ENTPD1: variants seen among roughly 807,000 people sequenced by gnomAD.
The protein encoded by ENTPD1 is ectonucleoside triphosphate diphosphohydrolase 1, also known as ATP diphosphohydrolase.
ENTPD1 carries 33 observed loss-of-function variants against 57.0 expected under a neutral mutation model. The observed-to-expected ratio is 0.58, with a 90% CI of 0.44 to 0.77. ENTPD1 has a LOEUF of 0.77. Among genes scored for constraint, ENTPD1 ranks in the 30% least tolerant of loss-of-function variants. ENTPD1 has a pLI of 0.00. For missense variants in ENTPD1, 501 were observed against 603.4 expected, an observed-to-expected ratio of 0.83 and a Z score of 1.78; for synonymous variants, 202 against 218.8, an observed-to-expected ratio of 0.92 and a Z score of 0.68.
At chr10:95,845,778 T>A (rs1033654183) in intron 6 of ENTPD1, 182 bp downstream of exon 6, 2 of 877,552 alleles carry the variant, frequency 2.3e-6, no homozygotes, top group African/African-American at 3.4e-5. Context: ...CAGTCAGACA[T>A]CCCCTCCCAT....
At chr10:95,765,660 G>A (rs1436700375) in intron 1 of ENTPD1, among the ~76,000 whole-genome samples, 1 of 151,994 alleles carries the variant, frequency 6.6e-6, no homozygotes, top group East Asian at 1.9e-4. Context: ...TATTGTTTGG[G>A]GTATTATGGG....
At chr10:95,705,084 A>G in the ENTPD1 span, among the ~76,000 whole-genome samples, 1 of 152,152 alleles carries the variant, frequency 6.6e-6, no homozygotes, top group African/African-American at 2.4e-5. Flanking sequence ...AATAAGATAG[A>G]ATTCCATATC....
intron 1 of ENTPD1, among the ~76,000 whole-genome samples, chr10:95,777,920 C>T (rs1034115658): frequency 1.3e-5 from 2 of 152,198 alleles, no homozygotes; most frequent in African/African-American, 4.8e-5. Flanking sequence ...TAGAAGTGAG[C>T]AAGGCTTTGT....
the ENTPD1 span, among the ~76,000 whole-genome samples, chr10:95,696,951 A>G: frequency 1.3e-5 from 2 of 152,242 alleles, no homozygotes; most frequent in Non-Finnish European, 2.9e-5. Context: ...GAAAACTTAG[A>G]TACACACACA....
chr10:95,746,354 G>A (rs1485597402), intron 1 of ENTPD1, among the ~76,000 whole-genome samples: 2 of 151,946 alleles, frequency 1.3e-5, no homozygotes, highest in Non-Finnish European at 2.9e-5. Flanking sequence ...TTATTTTATG[G>A]ATACATTGGG....
the ENTPD1 span, among the ~76,000 whole-genome samples, chr10:95,702,987 A>T: frequency 6.6e-6 from 1 of 151,934 alleles, no homozygotes. Context: ...GGGTTTCACC[A>T]TCTTGGCCAG....
At chr10:95,832,145 C>T (rs955926962) in intron 2 of ENTPD1, among the ~76,000 whole-genome samples, 3 of 152,138 alleles carry the variant, frequency 2.0e-5, no homozygotes, top group Non-Finnish European at 4.4e-5. Flanking sequence ...CAGATAAAAC[C>T]GTTCCCTCCT....
chr10:95,751,942 A>C (rs1183111994), upstream of ENTPD1, among the ~76,000 whole-genome samples: 2 of 152,176 alleles, frequency 1.3e-5, no homozygotes, highest in African/African-American at 4.8e-5. Context: ...TAGGGAGAGA[A>C]GGCAAAGGGT....
intron 1 of ENTPD1, among the ~76,000 whole-genome samples, chr10:95,717,732 G>A (rs913532007): frequency 4.6e-5 from 7 of 152,134 alleles, no homozygotes; most frequent in African/African-American, 1.7e-4. Context: ...GGGGAGGTTG[G>A]CCGACAACCG....
intron 2 of ENTPD1, among the ~76,000 whole-genome samples, chr10:95,824,959 C>T (rs2098368624): frequency 6.6e-6 from 1 of 152,194 alleles, no homozygotes; most frequent in Non-Finnish European, 1.5e-5. Flanking sequence ...TATATGCAAA[C>T]TAGCCATTTG....
At chr10:95,761,057 C>T (rs1206470911) in intron 1 of ENTPD1, among the ~76,000 whole-genome samples, 4 of 152,012 alleles carry the variant, frequency 2.6e-5, no homozygotes. Context: ...GTCTCGATCT[C>T]CTGACCTCAT....
Position 95,868,724 on chromosome 10 carries a change from T to A in ENTPD1, c.*2341T>A. 1 of 985,044 alleles carries A rather than the reference T, an allele frequency of 1.0e-6. No homozygotes were observed. Among genetic ancestry groups the A allele is most frequent in the Non-Finnish European group, 1.2e-6 (1 of 829,586 alleles). 61.0% of individuals were successfully genotyped at this position (985,044 alleles called of 1,614,324 possible). A position where few individuals can be genotyped will look rare whatever the true frequency, so the allele number is the denominator to read the frequency against. ...ACTCATGTCTTCTGGTTGAAGCCTATTGCTTTTTCTTTTCTAAACACTTTC... is the reference window on the plus strand; with the variant it reads ...ACTCATGTCTTCTGGTTGAAGCCTAATGCTTTTTCTTTTCTAAACACTTTC... On this transcript the variant is annotated 3_prime_UTR_variant, in exon 10 of 10. Coordinates refer to ENST00000371205, the MANE Select transcript of ENTPD1 (RefSeq NM_001776.6).
chr10:95,866,481 C>T lies in ENTPD1; in HGVS notation c.*98C>T, dbSNP rs2098474686. The T allele has an allele frequency of 1.3e-6, 2 of 1,563,200 alleles. No individual in the cohort carries two copies. Among genetic ancestry groups the T allele is most frequent in the East Asian group, 2.4e-5 (1 of 42,358 alleles). On this transcript the variant is annotated 3_prime_UTR_variant, in exon 10 of 10. Coordinates refer to ENST00000371205, the MANE Select transcript of ENTPD1 (RefSeq NM_001776.6). ...GTTCAAGGCCATCCTTCCCTGTCTGCCAGGGCCAGTCTTGACGAGTGTGAA... is the reference window on the plus strand; with the variant it reads ...GTTCAAGGCCATCCTTCCCTGTCTGTCAGGGCCAGTCTTGACGAGTGTGAA...
rs57407553 is a variant in ENTPD1 at position 95,758,002 on chromosome 10, C to CAAAAAAAAAAAAAAA, written c.16+1761_16+1775dup. On this transcript the variant is annotated intron_variant, in intron 1 of 9. Transcript: ENST00000371205. ...CCTGGGCGAGAGTGAGACACTGTCT[C>CAAAAAAAAAAAAAAA]AAAAAAAAAAAAAAAAAAAAAAAAA... Among the ~76,000 whole-genome samples, 48 of 26,394 alleles carry CAAAAAAAAAAAAAAA rather than the reference C, an allele frequency of 1.8e-3. 2 individuals carry two copies. The highest frequency in any genetic ancestry group is 4.2e-3 in the African/African-American group (44 of 10,420). The allele number at this position is 26,394 out of a possible 152,430, so 17.3% of individuals were successfully genotyped here. A position where few individuals can be genotyped will look rare whatever the true frequency, so the allele number is the denominator to read the frequency against.
chr10:95,866,213 A>G lies in ENTPD1; in HGVS notation c.1363A>G (p.Met455Val). ...CGACGCCGGCTGGACTTTGGGCTAC[A>G]TGCTGAACCTGACCAACATGATCCC... is the stretch of plus-strand genomic sequence containing the variant. Reference protein sequence around the residue: ...GSDAGWTLGYMLNLTNMIPAE... With the variant: ...GSDAGWTLGYVLNLTNMIPAE... The change falls in exon 10 of 10, where the codon ATG becomes GTG. Residue 455 changes from methionine to valine, a missense_variant. Met to Val is a conservative substitution (Grantham distance 21). Coordinates refer to ENST00000371205, the MANE Select transcript of ENTPD1 (RefSeq NM_001776.6). 1 of 1,614,112 alleles carries G rather than the reference A, an allele frequency of 6.2e-7. No homozygotes were observed. The highest frequency in any genetic ancestry group is 2.2e-5 in the East Asian group (1 of 44,888).
At chr10:95,696,197 A>T in the ENTPD1 span, among the ~76,000 whole-genome samples, 14 of 151,942 alleles carry the variant, frequency 9.2e-5, no homozygotes, top group African/African-American at 3.4e-4. Flanking sequence ...TAGAAAAGTT[A>T]TTTTTTTCTC....
In ENTPD1 at chr10:95,764,040, A is replaced by C. The variant is rs760179778; in HGVS notation, c.16+7785A>C. On this transcript the variant is annotated intron_variant, in intron 1 of 9. Coordinates refer to ENST00000371205, the MANE Select transcript of ENTPD1 (RefSeq NM_001776.6). Reference sequence around the variant, plus strand: ...TACGATTCACCAACTTAAAGTCGACAATTCAGTGGTTTTAGTATATTCACA... The same window carrying C: ...TACGATTCACCAACTTAAAGTCGACCATTCAGTGGTTTTAGTATATTCACA... 3.3e-5 allele frequency among the ~76,000 whole-genome samples: 5 copies of C among 152,228 alleles called. 1 individual carries two copies. The highest frequency in any genetic ancestry group is 4.4e-5 in the Non-Finnish European group (3 of 68,032).
At chr10:95,829,571 A>G (rs571431309) in intron 2 of ENTPD1, among the ~76,000 whole-genome samples, 6 of 152,322 alleles carry the variant, frequency 3.9e-5, no homozygotes, top group Non-Finnish European at 1.5e-5. Flanking sequence ...CTGAAGTATC[A>G]TTGCACCTCC....
At chr10:95,805,177 A>G (rs2098267015) in intron 1 of ENTPD1, among the ~76,000 whole-genome samples, 2 of 152,158 alleles carry the variant, frequency 1.3e-5, no homozygotes, top group Admixed American at 1.3e-4. Context: ...GTGCTCCTGT[A>G]TTGGGTGCAT....
Sources: gnomAD v4.1 joint callset for allele counts (sites outside exome capture counted in the v4.1 genomes callset) on GRCh38, gnomAD v4.1.1 for gene constraint, MANE v1.5 for transcripts, NCBI Gene and HGNC (gene_info 2026-07-23, HGNC 2026-07-21) for gene names.